Variants in CCDC171 observed in about 807,000 individuals in gnomAD.
CCDC171 encodes the protein coiled-coil domain containing 171, also known as coiled-coil domain-containing protein 171.
A neutral mutation model predicts 168.2 loss-of-function variants in CCDC171; 177 were observed. The ratio of observed to expected loss-of-function variants is 1.05; its 90% CI spans 0.93 to 1.19. The LOEUF is 1.19. Ranked by LOEUF, CCDC171 falls within the 50% of genes most tolerant of loss-of-function variation. CCDC171 has a pLI of 0.00. For missense variants in CCDC171, 1,991 were observed against 1,539.0 expected, an observed-to-expected ratio of 1.29 and a Z score of -4.91; for synonymous variants, 687 against 540.8, an observed-to-expected ratio of 1.27 and a Z score of -3.75.
At chr9:15,801,642 C>A (rs558991330) in intron 21 of CCDC171, among the ~76,000 whole-genome samples, 1 of 152,112 alleles carries the variant, frequency 6.6e-6, no homozygotes, top group East Asian at 1.9e-4. Context: ...GCTAGGACTT[C>A]CAGTACTATG....
chr9:15,568,597 A>G (rs552810263), intron 2 of CCDC171, among the ~76,000 whole-genome samples: 88 of 152,276 alleles, frequency 5.8e-4, no homozygotes, highest in African/African-American at 2.0e-3. Flanking sequence ...GATAATGGCC[A>G]TTCTGACTGG....
intron 7 of CCDC171, 56 bp downstream of exon 7, chr9:15,623,469 GCGCGCGCACACACACA>G (rs2044701229): frequency 1.9e-6 from 1 of 529,880 alleles, no homozygotes; most frequent in Non-Finnish European, 3.0e-6. Flanking sequence ...ACATATGCGC[GCGCGCGCACACACACA>G]CACACACACA....
At chr9:15,998,508 G>C (rs1328269) in intron 3 of CCDC171, among the ~76,000 whole-genome samples, 1 of 151,964 alleles carries the variant, frequency 6.6e-6, no homozygotes, top group African/African-American at 2.4e-5. Context: ...GAGTCCATAC[G>C]CAGATTGTCT....
chr9:15,576,011 G>C (rs2040624014), intron 3 of CCDC171, among the ~76,000 whole-genome samples: 2 of 151,644 alleles, frequency 1.3e-5, no homozygotes, highest in South Asian at 4.2e-4. Flanking sequence ...AGACTCACTT[G>C]AACCTGGGAG....
chr9:16,013,465 C>G (rs1003607646), intron 3 of CCDC171, among the ~76,000 whole-genome samples: 3 of 152,198 alleles, frequency 2.0e-5, no homozygotes, highest in African/African-American at 4.8e-5. Context: ...ATCTGACGTT[C>G]AAAGGTTCAA....
chr9:16,071,072 C>T, the CCDC171 span, among the ~76,000 whole-genome samples: 13 of 152,290 alleles, frequency 8.5e-5, no homozygotes, highest in African/African-American at 2.4e-4. Flanking sequence ...AGGCTAAAAG[C>T]CTGGAGCTCC....
chr9:15,848,406 T>C (rs1234061905), intron 22 of CCDC171, among the ~76,000 whole-genome samples: 1 of 151,910 alleles, frequency 6.6e-6, no homozygotes, highest in African/African-American at 2.4e-5. Context: ...AGAAGAGTTT[T>C]CTGTGTAATT....
At chr9:15,857,085 TAG>T (rs1373067561) in intron 23 of CCDC171, among the ~76,000 whole-genome samples, 1 of 152,040 alleles carries the variant, frequency 6.6e-6, no homozygotes, top group Non-Finnish European at 1.5e-5. Context: ...TTAAGTTGTA[TAG>T]AGTTTAGAAA....
At chr9:15,789,429 C>T (rs1050171865) in intron 21 of CCDC171, among the ~76,000 whole-genome samples, 6 of 152,108 alleles carry the variant, frequency 3.9e-5, no homozygotes, top group African/African-American at 1.4e-4. Flanking sequence ...AAAGCTCCGA[C>T]ATTAAGAAAT....
chr9:15,931,877 T>C (rs998392898), intron 25 of CCDC171, among the ~76,000 whole-genome samples: 20 of 151,848 alleles, frequency 1.3e-4, no homozygotes, highest in African/African-American at 4.8e-4. Context: ...ATTGAAGAGA[T>C]TGTCCTCTCC....
chr9:16,052,100 G>A (rs548760939), intron 1 of CCDC171, among the ~76,000 whole-genome samples: 4 of 152,320 alleles, frequency 2.6e-5, no homozygotes, highest in Admixed American at 6.5e-5. Flanking sequence ...AATTCAAGAT[G>A]AGATTTGGGT....
intron 24 of CCDC171, among the ~76,000 whole-genome samples, chr9:15,902,295 C>CAT (rs1821815979): frequency 6.7e-6 from 1 of 149,708 alleles, no homozygotes; most frequent in African/African-American, 2.5e-5. Flanking sequence ...CACACACACA[C>CAT]ACATAAAAAT....
the CCDC171 span, among the ~76,000 whole-genome samples, chr9:16,088,486 A>G: frequency 3.3e-5 from 5 of 152,242 alleles, no homozygotes; most frequent in Non-Finnish European, 7.3e-5. Context: ...GTCTCAGCCC[A>G]AAATCTCCTT....
intron 11 of CCDC171, among the ~76,000 whole-genome samples, chr9:15,701,767 G>C (rs1348457096): frequency 1.3e-5 from 2 of 151,948 alleles, no homozygotes; most frequent in African/African-American, 4.8e-5. Flanking sequence ...ATCCTTTATT[G>C]TCATTTTATA....
At chr9:15,672,841 CT>C (rs2049223965) in intron 9 of CCDC171, among the ~76,000 whole-genome samples, 1 of 152,114 alleles carries the variant, frequency 6.6e-6, no homozygotes, top group Non-Finnish European at 1.5e-5. Flanking sequence ...AATGTGGGCT[CT>C]TTTTTGGTTC....
At chr9:15,903,755 T>C (rs888922762) in intron 24 of CCDC171, among the ~76,000 whole-genome samples, 5 of 152,122 alleles carry the variant, frequency 3.3e-5, no homozygotes, top group Non-Finnish European at 7.4e-5. Flanking sequence ...TTCGAACCCA[T>C]GGCAAAGAAG....
At chr9:15,947,027 A>G (rs949530392) in intron 25 of CCDC171, among the ~76,000 whole-genome samples, 1 of 151,970 alleles carries the variant, frequency 6.6e-6, no homozygotes, top group Non-Finnish European at 1.5e-5. Context: ...GTGATAATAA[A>G]ATTACATTCA....
chr9:15,857,412 T>G (rs2061386634), intron 23 of CCDC171, among the ~76,000 whole-genome samples: 1 of 151,866 alleles, frequency 6.6e-6, no homozygotes, highest in African/African-American at 2.4e-5. Context: ...TTTAATATGG[T>G]GTAAGGTAGG....
chr9:15,657,178 G>A lies in CCDC171; in HGVS notation c.874G>A (p.Ala292Thr), dbSNP rs755830977. Residue 292 changes from alanine (A) to threonine (T), a missense_variant, in exon 8 of 26, where the codon GCA becomes ACA. Physicochemically the swap from Ala to Thr is moderately conservative, Grantham distance 58. Transcript: ENST00000380701. ...AGAAGAAAACATTGAAGCAGAAAGA[G>A]CAGCGCATTTGGAATCAAAATTTAA... is the stretch of plus-strand genomic sequence containing the variant. Reference protein sequence around the residue: ...KLEENIEAERAAHLESKFNSE... With the variant: ...KLEENIEAERTAHLESKFNSE... 5.6e-6 allele frequency: 9 copies of A among 1,611,756 alleles called. No individual in the cohort carries two copies. The Admixed American group carries it at 1.2e-4, about 21-fold the overall frequency.
Sources: gnomAD v4.1 joint callset for allele counts (sites outside exome capture counted in the v4.1 genomes callset) on GRCh38, gnomAD v4.1.1 for gene constraint, MANE v1.5 for transcripts, NCBI Gene and HGNC (gene_info 2026-07-23, HGNC 2026-07-21) for gene names.